The following CSMD1 variants were observed in gnomAD, a reference collection of about 807,000 sequenced individuals.
CSMD1 encodes the protein CUB and Sushi multiple domains 1, also known as CUB and sushi domain-containing protein 1.
In CSMD1, 213 loss-of-function variants were observed where a neutral mutation model predicts 417.5. The ratio of observed to expected loss-of-function variants is 0.51; its 90% CI spans 0.46 to 0.57. The LOEUF (loss-of-function observed/expected upper bound fraction) is 0.57, where lower values mean the gene tolerates loss of function less well. Among genes scored for constraint, CSMD1 ranks in the 20% least tolerant of loss-of-function variants. The probability of loss-of-function intolerance (pLI) is 0.00; values close to 1 mark genes in which losing one functional copy is unlikely to be tolerated. For missense variants in CSMD1, 6,923 were observed against 4,529.7 expected (o/e 1.53, Z -15.17); for synonymous variants, 2,862 against 1,736.8 (o/e 1.65, Z -16.11).
chr8:3,224,973 T>C (rs1236690521), intron 27 of CSMD1, among the ~76,000 whole-genome samples: 1 of 152,220 alleles, frequency 6.6e-6, no homozygotes, highest in African/African-American at 2.4e-5. Context: ...GTGACTACAA[T>C]TAAATCATAG....
At chr8:4,085,913 G>A (rs1254697998) in intron 3 of CSMD1, among the ~76,000 whole-genome samples, 9 of 152,212 alleles carry the variant, frequency 5.9e-5, no homozygotes, top group South Asian at 2.1e-4. Context: ...TTACCATTGC[G>A]TAAGGATGGA....
intron 22 of CSMD1, among the ~76,000 whole-genome samples, chr8:3,346,576 A>G (rs1808012508): frequency 1.3e-5 from 2 of 152,222 alleles, no homozygotes; most frequent in Non-Finnish European, 2.9e-5. Flanking sequence ...CTACTAAATT[A>G]TGACATTGAA....
intron 1 of CSMD1, among the ~76,000 whole-genome samples, chr8:4,798,320 GT>G (rs1798093268): frequency 6.6e-6 from 1 of 152,132 alleles, no homozygotes; most frequent in Non-Finnish European, 1.5e-5. Flanking sequence ...CTTCATCCAT[GT>G]CCCTACAAAG....
At chr8:3,062,339 G>A (rs1157027057) in intron 49 of CSMD1, among the ~76,000 whole-genome samples, 7 of 152,092 alleles carry the variant, frequency 4.6e-5, no homozygotes, top group Admixed American at 1.3e-4. Flanking sequence ...CTCCACCCAC[G>A]GGGATAGAAC....
At chr8:4,180,905 T>C (rs1028176508) in intron 3 of CSMD1, among the ~76,000 whole-genome samples, 20 of 152,304 alleles carry the variant, frequency 1.3e-4, no homozygotes, top group African/African-American at 4.6e-4. Flanking sequence ...GGTATATTTA[T>C]TTCTAAATTT....
intron 6 of CSMD1, among the ~76,000 whole-genome samples, chr8:3,748,231 G>A (rs1005684712): frequency 2.0e-5 from 3 of 152,166 alleles, no homozygotes; most frequent in Non-Finnish European, 2.9e-5. Flanking sequence ...TGATTTGAAT[G>A]AGTTATATTA....
At chr8:3,037,331 G>C (rs991923136) in intron 50 of CSMD1, among the ~76,000 whole-genome samples, 1 of 140,118 alleles carries the variant, frequency 7.1e-6, no homozygotes, top group African/African-American at 2.6e-5. Context: ...TCAGCCTCCC[G>C]AGTAGCTGGG....
intron 5 of CSMD1, among the ~76,000 whole-genome samples, chr8:3,977,722 G>A (rs62501202): frequency 1.3e-5 from 2 of 152,116 alleles, no homozygotes. Context: ...GCCTGGAAAT[G>A]AAATATTAAT....
At chr8:4,264,394 T>A (rs1430780329) in intron 3 of CSMD1, among the ~76,000 whole-genome samples, 1 of 152,152 alleles carries the variant, frequency 6.6e-6, no homozygotes, top group Non-Finnish European at 1.5e-5. Flanking sequence ...ACAAGAAACA[T>A]CCACAGAGGT....
At chr8:4,414,499 A>G (rs1044334596) in intron 3 of CSMD1, among the ~76,000 whole-genome samples, 5 of 152,212 alleles carry the variant, frequency 3.3e-5, no homozygotes, top group Admixed American at 6.5e-5. Flanking sequence ...ATACTGAGCA[A>G]TATTTTTAAG....
intron 5 of CSMD1, among the ~76,000 whole-genome samples, chr8:3,781,698 G>A (rs1799193980): frequency 6.6e-6 from 1 of 152,196 alleles, no homozygotes; most frequent in South Asian, 2.1e-4. Context: ...CCAGCCTACG[G>A]AGGTTCTAGG....
At chr8:4,067,484 T>A (rs934715939) in intron 3 of CSMD1, among the ~76,000 whole-genome samples, 3 of 50,960 alleles carry the variant, frequency 5.9e-5, no homozygotes, top group African/African-American at 1.7e-4. Context: ...AATAAATTAC[T>A]TTTTTTTTTA....
intron 2 of CSMD1, among the ~76,000 whole-genome samples, chr8:4,520,687 T>C (rs1803397966): frequency 6.6e-6 from 1 of 152,218 alleles, no homozygotes; most frequent in East Asian, 1.9e-4. Context: ...CTGAAAGTCT[T>C]GTTTGTATGT....
intron 3 of CSMD1, among the ~76,000 whole-genome samples, chr8:4,135,729 A>C (rs567307111): frequency 6.6e-6 from 1 of 152,186 alleles, no homozygotes; most frequent in East Asian, 1.9e-4. Flanking sequence ...TCAGTCACCA[A>C]TTTATCATTT....
intron 12 of CSMD1, among the ~76,000 whole-genome samples, chr8:3,430,757 C>T (rs1016895753): frequency 5.3e-5 from 8 of 152,026 alleles, no homozygotes; most frequent in African/African-American, 9.7e-5. Context: ...CAGTGAGCAG[C>T]GATCATGGCC....
intron 11 of CSMD1, among the ~76,000 whole-genome samples, chr8:3,489,546 G>A (rs111563638): frequency 6.6e-6 from 1 of 152,156 alleles, no homozygotes. Context: ...TACTTGGAAA[G>A]AACTCAACAG....
chr8:3,390,319 C>T (rs1461166813), intron 17 of CSMD1, among the ~76,000 whole-genome samples: 2 of 122,092 alleles, frequency 1.6e-5, no homozygotes, highest in African/African-American at 6.3e-5. Flanking sequence ...TGTGCCGTTG[C>T]ATTCCAGCCT....
chr8:4,116,518 TG>T (rs1563143906), intron 3 of CSMD1, among the ~76,000 whole-genome samples: 1 of 60,096 alleles, frequency 1.7e-5, no homozygotes, highest in African/African-American at 7.7e-5. Flanking sequence ...CGGCGATGTA[TG>T]AGTGCAGGTA....
At chr8:3,839,150 A>T (rs1270150725) in intron 5 of CSMD1, among the ~76,000 whole-genome samples, 1 of 127,496 alleles carries the variant, frequency 7.8e-6, no homozygotes, top group Admixed American at 9.7e-5. Flanking sequence ...TATAGTCTAT[A>T]TATCTATAGT....
Sources: allele counts gnomAD v4.1 joint callset (sites outside exome capture counted in the v4.1 genomes callset), GRCh38; gene constraint gnomAD v4.1.1; transcripts MANE v1.5; gene names NCBI Gene and HGNC (gene_info 2026-07-23, HGNC 2026-07-21).